MYO16: variants seen among roughly 807,000 people sequenced by gnomAD.
MYO16 encodes the protein myosin XVI.
A neutral mutation model predicts 205.3 loss-of-function variants in MYO16; 94 were observed. That is an observed-to-expected ratio of 0.46 (90% confidence interval 0.39 to 0.54). MYO16 has a LOEUF of 0.54. Among genes scored for constraint, MYO16 ranks in the 20% least tolerant of loss-of-function variants. The probability of loss-of-function intolerance (pLI) is 0.00; values close to 1 mark genes in which losing one functional copy is unlikely to be tolerated. For missense variants in MYO16, 2,315 were observed against 2,387.5 expected, an observed-to-expected ratio of 0.97 and a Z score of 0.63; for synonymous variants, 988 against 954.0, an observed-to-expected ratio of 1.04 and a Z score of -0.66.
intron 12 of MYO16, among the ~76,000 whole-genome samples, chr13:108,871,568 T>C (rs1458900742): frequency 1.3e-5 from 2 of 152,160 alleles, no homozygotes; most frequent in African/African-American, 4.8e-5. Context: ...AATTTTTTTA[T>C]TTGCTCCCTT....
At chr13:108,498,660 G>A in the MYO16 span, among the ~76,000 whole-genome samples, 16 of 152,264 alleles carry the variant, frequency 1.1e-4, no homozygotes, top group African/African-American at 3.9e-4. Flanking sequence ...TAACCAGGTG[G>A]ACTTTAAAAA....
the MYO16 span, among the ~76,000 whole-genome samples, chr13:108,590,083 A>G: frequency 3.9e-4 from 60 of 152,332 alleles, 1 homozygote; most frequent in Non-Finnish European, 7.8e-4. Context: ...AATTTTTAAT[A>G]ATCACCTCAA....
At chr13:108,622,254 G>C (rs1275810087) in intron 1 of MYO16, among the ~76,000 whole-genome samples, 1 of 152,168 alleles carries the variant, frequency 6.6e-6, no homozygotes, top group African/African-American at 2.4e-5. Context: ...TCAGGGGTGT[G>C]TGAAATAGTC....
chr13:108,570,883 G>T, the MYO16 span, among the ~76,000 whole-genome samples: 469 of 152,188 alleles, frequency 3.1e-3, 7 homozygotes, highest in South Asian at 0.05. Flanking sequence ...GCTTGCCTTT[G>T]GGATGGCCAT....
chr13:108,721,674 A>G (rs1027928737), intron 3 of MYO16, among the ~76,000 whole-genome samples: 7 of 152,232 alleles, frequency 4.6e-5, no homozygotes, highest in South Asian at 2.1e-4. Flanking sequence ...AAGCACATCA[A>G]TGTAAGCGTT....
At chr13:108,825,761 A>G (rs1876227119) in intron 9 of MYO16, among the ~76,000 whole-genome samples, 1 of 152,014 alleles carries the variant, frequency 6.6e-6, no homozygotes, top group South Asian at 2.1e-4. Context: ...ATCAAGGCAC[A>G]GAAACAATCT....
At chr13:108,739,506 G>A (rs1566580309) in intron 4 of MYO16, among the ~76,000 whole-genome samples, 1 of 152,176 alleles carries the variant, frequency 6.6e-6, no homozygotes, top group Admixed American at 6.5e-5. Context: ...CGAGAGATGT[G>A]CTGATAGTCT....
intron 2 of MYO16, among the ~76,000 whole-genome samples, chr13:108,697,128 C>A (rs1487089170): frequency 6.6e-6 from 1 of 152,160 alleles, no homozygotes; most frequent in Non-Finnish European, 1.5e-5. Context: ...GTATCCTATA[C>A]TCAGTGTTGT....
rs34317737 is a variant in MYO16 at position 109,127,859 on chromosome 13, TAAA to T, written c.4051+326_4051+328del. 9.0e-5 allele frequency among the ~76,000 whole-genome samples: 12 copies of T among 132,620 alleles called. No homozygotes were observed. The highest frequency in any genetic ancestry group is 2.2e-4 in the East Asian group (1 of 4,446). 87.0% of individuals were successfully genotyped at this position (132,620 alleles called of 152,430 possible). On this transcript the variant is annotated intron_variant, in intron 31 of 34. Transcript: ENST00000457511. This position sits in a 1 kb window ranked among gnomAD's most constrained non-coding sequence, Gnocchi z 4.2. ...ATGTAAAGGTTCACCAATGAGAAAG[TAAA>T]AAAAAAAAAAAAAAAACTGCTTCAG...
chr13:108,700,194 G>A lies in MYO16; in HGVS notation c.293-12467G>A, dbSNP rs569303872. 1.3e-4 allele frequency among the ~76,000 whole-genome samples: 20 copies of A among 152,092 alleles called. No homozygotes were observed. The South Asian group carries it at 2.1e-3, about 16-fold the overall frequency. ...CTAAAAATACAAAAATTAGCCGGGT[G>A]TGGTGGCAGACTCCTGTAATCCCAG... On this transcript the variant is annotated intron_variant, in intron 2 of 34. Transcript: ENST00000457511.
chr13:108,931,777 A>G (rs1014789183), intron 16 of MYO16, among the ~76,000 whole-genome samples: 1 of 152,200 alleles, frequency 6.6e-6, no homozygotes, highest in African/African-American at 2.4e-5. Flanking sequence ...TAGTTTTACC[A>G]CAGGAACCCC....
chr13:108,573,783 T>C, the MYO16 span, among the ~76,000 whole-genome samples: 6 of 152,298 alleles, frequency 3.9e-5, no homozygotes, highest in Admixed American at 3.3e-4. Context: ...AACTAATAAA[T>C]ACAGTCATTT....
chr13:108,962,446 A>G lies in MYO16; in HGVS notation c.2178A>G (p.Ser726=), dbSNP rs915213677. ...TAGTGGCTGGAATGTTACAAGTATC[A>G]ACAGATGAATTGGCATCTGCCTTAA... is the stretch of plus-strand genomic sequence containing the variant. ...LEQVAGMLQV[S]TDELASALTT... The change falls in exon 19 of 35, where the codon TCA becomes TCG. Residue 726 remains serine, a synonymous_variant. Coordinates refer to ENST00000457511, the MANE Select transcript of MYO16 (RefSeq NM_001198950.3). 41 of 1,602,372 alleles carry G rather than the reference A, an allele frequency of 2.6e-5. 1 individual carries two copies. Among genetic ancestry groups the G allele is most frequent in the East Asian group, 1.8e-4 (8 of 44,440 alleles).
chr13:108,729,678 A>G (rs2139588813), intron 4 of MYO16, among the ~76,000 whole-genome samples: 1 of 152,322 alleles, frequency 6.6e-6, no homozygotes, highest in Non-Finnish European at 1.5e-5. Flanking sequence ...TAAAATTTTT[A>G]AATCCTGCTT....
At chr13:108,743,267 T>TG (rs1884964332) in intron 4 of MYO16, among the ~76,000 whole-genome samples, 1 of 152,182 alleles carries the variant, frequency 6.6e-6, no homozygotes, top group South Asian at 2.1e-4. Flanking sequence ...AAAAAACATT[T>TG]GGGGTGGAAG....
Position 108,824,725 on chromosome 13 carries a change from G to A in MYO16, c.1097+1447G>A, listed in dbSNP as rs571786620. Reference sequence around the variant, plus strand: ...TTTACTAAAATCAGAAATGAAAGAGGAACATTACTCCTGGATTTACAGAAA... The same window carrying A: ...TTTACTAAAATCAGAAATGAAAGAGAAACATTACTCCTGGATTTACAGAAA... On this transcript the variant is annotated intron_variant, in intron 9 of 34. Transcript: ENST00000457511. 1.3e-3 allele frequency among the ~76,000 whole-genome samples: 197 copies of A among 151,968 alleles called. 1 individual carries two copies. Among genetic ancestry groups the A allele is most frequent in the South Asian group, 1.5e-3 (7 of 4,814 alleles).
At position 108,962,437 on chromosome 13, in the gene MYO16, A is replaced by G. The variant is rs948241889; in HGVS notation, c.2169A>G (p.Leu723=). 3.1e-6 allele frequency: 5 copies of G among 1,601,064 alleles called. No individual in the cohort carries two copies. In the African/African-American group the frequency reaches 6.7e-5, roughly 22 times the overall value. ...LQLLEQVAGM[L]QVSTDELASA... is the part of the protein sequence containing the mutation. The stretch of plus-strand genomic sequence containing the variant: ...ATTTAATTTTAGTGGCTGGAATGTT[A>G]CAAGTATCAACAGATGAATTGGCAT... The change falls in exon 19 of 35, where the codon TTA becomes TTG. Residue 723 remains leucine (L), a synonymous_variant. Transcript: ENST00000457511.
the MYO16 span, among the ~76,000 whole-genome samples, chr13:108,520,430 G>A: frequency 1.3e-5 from 2 of 151,954 alleles, no homozygotes; most frequent in Non-Finnish European, 2.9e-5. Context: ...GACCATATCT[G>A]GTTTTTAGAT....
the MYO16 span, among the ~76,000 whole-genome samples, chr13:108,558,316 T>A: frequency 6.6e-6 from 1 of 152,182 alleles, no homozygotes; most frequent in South Asian, 2.1e-4. Flanking sequence ...TTGGGAAATG[T>A]CTCCTTGTCC....
Sources: gnomAD v4.1 joint callset for allele counts (sites outside exome capture counted in the v4.1 genomes callset) on GRCh38, gnomAD v4.1.1 for gene constraint, Gnocchi (gnomAD v3.1) non-coding constraint, MANE v1.5 for transcripts, NCBI Gene and HGNC (gene_info 2026-07-23, HGNC 2026-07-21) for gene names.